The following ALOXE3 variants were observed in gnomAD, a reference collection of about 807,000 sequenced individuals.
ALOXE3 encodes hydroperoxide isomerase ALOXE3.
In ALOXE3, 78 loss-of-function variants were observed where a neutral mutation model predicts 87.5. The ratio of observed to expected loss-of-function variants is 0.89; its 90% CI spans 0.74 to 1.08. The LOEUF is 1.08. ALOXE3 is among the 50% of genes least tolerant of loss of function. The probability of loss-of-function intolerance (pLI) is 0.00; values close to 1 mark genes in which losing one functional copy is unlikely to be tolerated. For synonymous variants in ALOXE3, 363 were observed against 370.8 expected, an observed-to-expected ratio of 0.98 and a Z score of 0.24; for missense variants, 946 against 912.4, an observed-to-expected ratio of 1.04 and a Z score of -0.47.
intron 15 of ALOXE3, among the ~76,000 whole-genome samples, chr17:8,100,428 C>A (rs1978852899): frequency 6.6e-6 from 1 of 152,154 alleles, no homozygotes; most frequent in African/African-American, 2.4e-5. Context: ...TGATTGCATG[C>A]AAGTGTTTCA....
At position 8,114,543 on chromosome 17, in the gene ALOXE3, C is replaced by A. The variant is rs1182603408; in HGVS notation, c.621G>T (p.Glu207Asp). 1 of 1,613,904 alleles carries A rather than the reference C, an allele frequency of 6.2e-7. No individual in the cohort carries two copies. Among genetic ancestry groups the A allele is most frequent in the South Asian group, 1.1e-5 (1 of 91,062 alleles). Residue 207 changes from glutamate (E) to aspartate (D), a missense_variant, in exon 6 of 16, where the codon GAG (glutamate) becomes GAT (aspartate). Transcript: ENST00000448843. Reference sequence around the variant, plus strand: ...TGGTGGCTGAGTATCGAACATTGGGCTCCATGTACATCAGGGATGGGATGT... The same window carrying A: ...TGGTGGCTGAGTATCGAACATTGGGATCCATGTACATCAGGGATGGGATGT... ...KIDIPSLMYMEPNVRYSATKT... is the reference protein window; with the variant it reads ...KIDIPSLMYMDPNVRYSATKT...
At chr17:8,114,820 G>C in intron 5 of ALOXE3, 118 bp downstream of exon 5, 1 of 1,518,130 alleles carries the variant, frequency 6.6e-7, no homozygotes, top group Non-Finnish European at 9.1e-7. Context: ...CCTGATGCTT[G>C]AATGAAACTG....
rs149576092 is a variant in ALOXE3, at chr17:8,096,467, T to C, written c.*160A>G. On this transcript the variant is annotated 3_prime_UTR_variant, in exon 16 of 16. Transcript: ENST00000448843. ...CTCTCACAGCTCAGGGCCCAGTTTG[T>C]ATGATGTCAGAGCCATCTTGGCTGC... The C allele has an allele frequency of 1.5e-6, 1 of 668,120 alleles. No homozygotes were observed. Among genetic ancestry groups the C allele is most frequent in the Non-Finnish European group, 2.7e-6 (1 of 366,276 alleles). The allele number at this position is 668,120 out of a possible 1,614,324, so 41.4% of individuals were successfully genotyped here. A position where few individuals can be genotyped will look rare whatever the true frequency, so the allele number is the denominator to read the frequency against.
chr17:8,097,048 T>C (rs1211099124), intron 15 of ALOXE3, among the ~76,000 whole-genome samples: 1 of 152,182 alleles, frequency 6.6e-6, no homozygotes, highest in African/African-American at 2.4e-5. Flanking sequence ...CCAAATTCAG[T>C]ACTGCCTCTG....
At chr17:8,100,124 AGGGAGGGAGGGAGAGGG>A (rs1012898238) in intron 15 of ALOXE3, among the ~76,000 whole-genome samples, 21 of 119,112 alleles carry the variant, frequency 1.8e-4, no homozygotes, top group Admixed American at 5.8e-4. Flanking sequence ...AAAGAAAGAG[AGGGAGGGAGGGAGAGGG>A]GGGAGGGAGG....
chr17:8,097,816 C>T (rs1210494453), intron 15 of ALOXE3, among the ~76,000 whole-genome samples: 4 of 148,446 alleles, frequency 2.7e-5, no homozygotes, highest in African/African-American at 1.0e-4. Context: ...GGCGCGATCT[C>T]GGCTCACTGC....
rs1980780836 is a variant in ALOXE3 at position 8,118,124 on chromosome 17, G to T, written c.-134C>A. 1 of 1,551,940 alleles carries T rather than the reference G, an allele frequency of 6.4e-7. No homozygotes were observed. ...GGGCTGCGGGGCTGGGTAGGGCTGA[G>T]GATGGGCCCAGCTCTCTCTGGGATG... On this transcript the variant is annotated 5_prime_UTR_variant, in exon 2 of 16. Coordinates refer to ENST00000448843, the MANE Select transcript of ALOXE3 (RefSeq NM_021628.3).
Position 8,111,528 on chromosome 17 carries a change from T to C in ALOXE3, c.788A>G (p.Tyr263Cys). ...ATCTTCACACCAGTGCTCTGTGACA[T>C]ACTCTGGGATACAAGAGAGGGGACC... ...FWCHKTFTTKYVTEHWCEDHF... is the reference protein window; with the variant it reads ...FWCHKTFTTKCVTEHWCEDHF... The change falls in exon 8 of 16, where the codon TAT becomes TGT. Residue 263 changes from tyrosine to cysteine, a missense_variant. By Grantham distance (194) the Tyr-to-Cys change is radical. Coordinates refer to ENST00000448843, the MANE Select transcript of ALOXE3 (RefSeq NM_021628.3). 3 of 1,614,182 alleles carry C rather than the reference T, an allele frequency of 1.9e-6. No individual in the cohort carries two copies. Among genetic ancestry groups the C allele is most frequent in the Non-Finnish European group, 2.5e-6 (3 of 1,180,030 alleles).
At position 8,112,019 on chromosome 17, in the gene ALOXE3, C is replaced by T. The variant is rs532935812; in HGVS notation, c.784+74G>A. 3.6e-5 allele frequency: 51 copies of T among 1,405,190 alleles called. No individual in the cohort carries two copies. In the African/African-American group the frequency reaches 6.1e-4, roughly 17 times the overall value. The allele number at this position is 1,405,190 out of a possible 1,614,324, so 87.0% of individuals were successfully genotyped here. On this transcript the variant is annotated intron_variant, in intron 7 of 15. Transcript: ENST00000448843. Reference sequence around the variant, plus strand: ...TGGGAGGGCTGGGAGAGGGCCCTTTCCCAGGAAGGAGAGGAAGGGGTCTGA... The same window carrying T: ...TGGGAGGGCTGGGAGAGGGCCCTTTTCCAGGAAGGAGAGGAAGGGGTCTGA...
At chr17:8,117,717 G>A in intron 2 of ALOXE3, 127 bp downstream of exon 2, 7 of 1,521,784 alleles carry the variant, frequency 4.6e-6, no homozygotes, top group Non-Finnish European at 6.2e-6. Flanking sequence ...ACCTCAATAG[G>A]GAAGGTGAGG....
intron 11 of ALOXE3, 106 bp downstream of exon 11, chr17:8,109,810 C>A: frequency 8.5e-7 from 1 of 1,176,228 alleles, no homozygotes; most frequent in Non-Finnish European, 1.2e-6. Context: ...TCTCACACCC[C>A]AGGTGTCCTC....
Position 8,116,906 on chromosome 17 carries a change from G to A in ALOXE3, c.222C>T (p.Tyr74=), listed in dbSNP as rs572527913. 5.6e-6 allele frequency: 9 copies of A among 1,614,250 alleles called. No homozygotes were observed. Among genetic ancestry groups the A allele is most frequent in the South Asian group, 5.5e-5 (5 of 91,086 alleles). Residue 74 remains tyrosine, a synonymous_variant, in exon 3 of 16, where the codon TAC becomes TAT. Transcript: ENST00000448843. ...ACCAAGAGTCCTTGCGGAAGAAAGCGTAGCGCTCCTTGTGTACACGCAGCA... is the reference window on the plus strand; with the variant it reads ...ACCAAGAGTCCTTGCGGAAGAAAGCATAGCGCTCCTTGTGTACACGCAGCA... The part of the protein sequence containing the change: ...LLLLRVHKER[Y]AFFRKDSWYC...
At chr17:8,105,636 A>C (rs892603916) in intron 13 of ALOXE3, among the ~76,000 whole-genome samples, 6 of 152,202 alleles carry the variant, frequency 3.9e-5, no homozygotes, top group Non-Finnish European at 7.3e-5. Flanking sequence ...GAAGGAATGC[A>C]TGAGAGGGTA....
intron 11 of ALOXE3, 92 bp from the exon 12 acceptor site, chr17:8,109,435 G>C: frequency 3.9e-6 from 6 of 1,536,860 alleles, no homozygotes; most frequent in Non-Finnish European, 5.3e-6. Flanking sequence ...GGCCCAAGGA[G>C]GGCCTTCTTC....
intron 8 of ALOXE3, 92 bp downstream of exon 8, chr17:8,111,267 C>A: frequency 6.6e-7 from 1 of 1,505,970 alleles, no homozygotes; most frequent in Non-Finnish European, 9.2e-7. Context: ...GCAGCCCAGG[C>A]CATTTCCATA....
chr17:8,115,205 A>C, intron 4 of ALOXE3, 148 bp from the exon 5 acceptor site: 1 of 1,155,992 alleles, frequency 8.7e-7, no homozygotes, highest in Non-Finnish European at 1.3e-6. Flanking sequence ...CCATGAAAGC[A>C]CTGGCTTCAC....
At chr17:8,109,148 T>A (rs1227572351) in intron 12 of ALOXE3, 26 bp downstream of exon 12, 26 of 1,611,012 alleles carry the variant, frequency 1.6e-5, no homozygotes, top group Non-Finnish European at 2.1e-5. Flanking sequence ...CTGGTGGGAC[T>A]GCTGGTCCCG....
At chr17:8,108,939 T>C (rs1291954022) in intron 12 of ALOXE3, among the ~76,000 whole-genome samples, 1 of 152,102 alleles carries the variant, frequency 6.6e-6, no homozygotes, top group Non-Finnish European at 1.5e-5. Context: ...CCTGATACTC[T>C]GACTCCACTG....
At chr17:8,097,603 G>A (rs1399566205) in intron 15 of ALOXE3, among the ~76,000 whole-genome samples, 1 of 151,992 alleles carries the variant, frequency 6.6e-6, no homozygotes, top group Non-Finnish European at 1.5e-5. Flanking sequence ...TCCAGTCACT[G>A]CCATCCTGTG....
Sources: allele counts gnomAD v4.1 joint callset (sites outside exome capture counted in the v4.1 genomes callset), GRCh38; gene constraint gnomAD v4.1.1; transcripts MANE v1.5; gene names NCBI Gene and HGNC (gene_info 2026-07-23, HGNC 2026-07-21).